Variants in ZNF106 observed in about 807,000 individuals in gnomAD.
ZNF106 encodes SH3-domain binding protein 3.
ZNF106 carries 67 observed loss-of-function variants against 195.1 expected under a neutral mutation model. That is an observed-to-expected ratio of 0.34 (90% confidence interval 0.28 to 0.42). The LOEUF is 0.42. Ranked by LOEUF, ZNF106 falls within the 10% of genes least tolerant of loss-of-function variation. The pLI, the probability that ZNF106 is intolerant of heterozygous loss-of-function variation, is 1.00. For missense variants in ZNF106, 2,118 were observed against 2,304.5 expected, an observed-to-expected ratio of 0.92 and a Z score of 1.66; for synonymous variants, 784 against 818.6, an observed-to-expected ratio of 0.96 and a Z score of 0.72.
chr15:42,446,665 G>A lies in ZNF106; in HGVS notation c.3136-7C>T, dbSNP rs1426711791. ...GTTCAGGAGAAGATCCATCCTGGAA[G>A]GATAAAGAAAACTGAATAAAATCCA... On this transcript the variant is annotated splice_polypyrimidine_tract_variant and splice_region_variant and intron_variant, in intron 6 of 21. Coordinates refer to ENST00000564754, the MANE Select transcript of ZNF106 (RefSeq NM_001366845.3). 8.2e-6 allele frequency: 13 copies of A among 1,594,038 alleles called. No individual in the cohort carries two copies. The highest frequency in any genetic ancestry group is 1.0e-5 in the Non-Finnish European group (12 of 1,170,070).
chr15:42,417,239 C>T lies in ZNF106; in HGVS notation c.*65G>A. On this transcript the variant is annotated 3_prime_UTR_variant, in exon 22 of 22. Transcript: ENST00000564754. ...TCACCAAGAAAGGGAAGAGAGTGGC[C>T]TGTGTGGGGGGCCAATGTGAAAATA... 4.5e-6 allele frequency: 7 copies of T among 1,562,616 alleles called. No individual in the cohort carries two copies. Among genetic ancestry groups the T allele is most frequent in the Non-Finnish European group, 5.3e-6 (6 of 1,134,544 alleles).
At position 42,448,566 on chromosome 15, in the gene ZNF106, G is replaced by A; in HGVS notation, c.2641C>T (p.Arg881Ter). ...ISSSPGLARK[R>*]SLSESSVIMD... ...ATCACGCTGCTCTCAGAAAGGCTTCGCTTTCTTGCCAAGCCAGGGGACGAG... is the reference window on the plus strand; with the variant it reads ...ATCACGCTGCTCTCAGAAAGGCTTCACTTTCTTGCCAAGCCAGGGGACGAG... The change falls in exon 6 of 22, where the codon CGA (arginine) becomes TGA (stop). Residue 881 changes from arginine to a stop codon, truncating the protein, a stop_gained. Transcript: ENST00000564754. LOFTEE classifies it high-confidence loss of function. 2 of 1,614,074 alleles carry A rather than the reference G, an allele frequency of 1.2e-6. No individual in the cohort carries two copies. Among genetic ancestry groups the A allele is most frequent in the Non-Finnish European group, 1.7e-6 (2 of 1,180,008 alleles).
intron 1 of ZNF106, among the ~76,000 whole-genome samples, chr15:42,480,249 A>C (rs2056871521): frequency 6.6e-6 from 1 of 152,246 alleles, no homozygotes; most frequent in African/African-American, 2.4e-5. Context: ...AGGCACAAGC[A>C]TAGTTATAAC....
intron 1 of ZNF106, among the ~76,000 whole-genome samples, chr15:42,473,833 T>C (rs780010804): frequency 9.2e-5 from 14 of 152,298 alleles, no homozygotes; most frequent in Non-Finnish European, 1.2e-4. Context: ...GTGAACTATT[T>C]TGATCAATAA....
chr15:42,420,084 T>C (rs1238203614), intron 20 of ZNF106, among the ~76,000 whole-genome samples: 1 of 152,268 alleles, frequency 6.6e-6, no homozygotes, highest in Non-Finnish European at 1.5e-5. Context: ...TTGTGTACTC[T>C]GGATCCTGTC....
intron 17 of ZNF106, among the ~76,000 whole-genome samples, chr15:42,422,934 C>T (rs1240559673): frequency 7.2e-5 from 11 of 152,056 alleles, no homozygotes; most frequent in Admixed American, 7.2e-4. Context: ...TCACTTTTTT[C>T]ATTTCACTGG....
At chr15:42,457,325 TAA>T in intron 3 of ZNF106, 167 bp from the exon 4 acceptor site, 1 of 1,476,814 alleles carries the variant, frequency 6.8e-7, no homozygotes, top group Non-Finnish European at 9.0e-7. Flanking sequence ...AGTTTGTTTA[TAA>T]GTTACTTTTG....
chr15:42,473,964 A>G (rs2056731845), intron 1 of ZNF106, among the ~76,000 whole-genome samples: 2 of 152,176 alleles, frequency 1.3e-5, no homozygotes, highest in Admixed American at 6.6e-5. Context: ...GTGAGAAGCC[A>G]AAGCCACAGG....
chr15:42,457,150 C>T lies in ZNF106; in HGVS notation c.125G>A (p.Ser42Asn). Residue 42 changes from serine (S) to asparagine (N), a missense_variant, in exon 4 of 22, where the codon AGT becomes AAT. Physicochemically the swap from Ser to Asn is conservative, Grantham distance 46 (BLOSUM62 1). Coordinates refer to ENST00000564754, the MANE Select transcript of ZNF106 (RefSeq NM_001366845.3). ...GACCCCGCACACTCGGCACTCATGA[C>T]TAATGTCCCTAGGGAAAGAGGGAGA... ...ELENLKGRDI[S>N]HECRVCGVTE... 1 of 1,614,184 alleles carries T rather than the reference C, an allele frequency of 6.2e-7. No homozygotes were observed. The highest frequency in any genetic ancestry group is 1.1e-5 in the South Asian group (1 of 91,088).
At chr15:42,483,583 G>A (rs1274420529) in intron 1 of ZNF106, among the ~76,000 whole-genome samples, 1 of 152,164 alleles carries the variant, frequency 6.6e-6, no homozygotes, top group East Asian at 1.9e-4. Context: ...GCATGCTTAT[G>A]TTTTATGCCT....
chr15:42,421,317 G>A (rs140362668), intron 19 of ZNF106, among the ~76,000 whole-genome samples, 185 bp from the exon 20 acceptor site: 64 of 152,306 alleles, frequency 4.2e-4, no homozygotes, highest in African/African-American at 1.5e-3. Flanking sequence ...TTTTGCAGCT[G>A]TGCTCCTTAG....
chr15:42,484,989 T>C (rs924105815), intron 1 of ZNF106, among the ~76,000 whole-genome samples: 3 of 151,806 alleles, frequency 2.0e-5, no homozygotes, highest in Non-Finnish European at 2.9e-5. Flanking sequence ...CAAAACCCCG[T>C]TTCTACAAAA....
At chr15:42,449,446 T>C (rs371305871) in intron 5 of ZNF106, among the ~76,000 whole-genome samples, 6 of 152,356 alleles carry the variant, frequency 3.9e-5, no homozygotes, top group African/African-American at 1.2e-4. Flanking sequence ...CAGAGATCTA[T>C]AGCTCTACAT....
At position 42,448,129 on chromosome 15, in the gene ZNF106, G is replaced by A. The variant is rs2055837247; in HGVS notation, c.3078C>T (p.Thr1026=). Residue 1026 remains threonine, a synonymous_variant, in exon 6 of 22, where the codon ACC becomes ACT. Transcript: ENST00000564754. ...LADAATDSSC[T]SGAEQNDGQS... ...GGCCATCATTTTGTTCAGCACCAGAGGTACAGCTACTATCTGTGGCTGCAT... is the reference window on the plus strand; with the variant it reads ...GGCCATCATTTTGTTCAGCACCAGAAGTACAGCTACTATCTGTGGCTGCAT... 1 of 1,614,134 alleles carries A rather than the reference G, an allele frequency of 6.2e-7. No homozygotes were observed. The highest frequency in any genetic ancestry group is 8.5e-7 in the Non-Finnish European group (1 of 1,180,016).
Position 42,422,512 on chromosome 15 carries a change from A to T in ZNF106, c.5362T>A (p.Tyr1788Asn). ...TACLDKFVRVYELQSHDRLQV... is the reference protein window; with the variant it reads ...TACLDKFVRVNELQSHDRLQV... ...AATCTAAATTCTACCTGTAATTCAT[A>T]GACACGAACAAATTTATCCAGGCAA... Residue 1788 changes from tyrosine to asparagine, a missense_variant, in exon 18 of 22, where the codon TAT (tyrosine) becomes AAT (asparagine). By Grantham distance (143) the Tyr-to-Asn change is moderately radical. Transcript: ENST00000564754. 6.2e-7 allele frequency: 1 copy of T among 1,612,996 alleles called. No individual in the cohort carries two copies. Among genetic ancestry groups the T allele is most frequent in the Non-Finnish European group, 8.5e-7 (1 of 1,179,814 alleles).
chr15:42,451,393 T>G lies in ZNF106; in HGVS notation c.879A>C (p.Ser293=). 1.2e-6 allele frequency: 2 copies of G among 1,614,222 alleles called. No individual in the cohort carries two copies. The highest frequency in any genetic ancestry group is 1.7e-6 in the Non-Finnish European group (2 of 1,180,048). ...TATATCTGTCGTGACTGTATTTGTT[T>G]GACTTATTAGATTTCTTGTTCCATA... is the stretch of plus-strand genomic sequence containing the variant. The part of the protein sequence containing the change: ...TMLWNKKSNK[S]NKYSHDRYNW... Residue 293 remains serine (S), a synonymous_variant, in exon 5 of 22, where the codon TCA becomes TCC. Coordinates refer to ENST00000564754, the MANE Select transcript of ZNF106 (RefSeq NM_001366845.3).
intron 8 of ZNF106, 23 bp downstream of exon 8, chr15:42,444,804 T>C: frequency 3.1e-6 from 5 of 1,610,816 alleles, no homozygotes; most frequent in Non-Finnish European, 4.2e-6. Context: ...TCCATTTTTA[T>C]TAAATCCTCC....
At chr15:42,436,019 T>C (rs2055260723) in intron 13 of ZNF106, among the ~76,000 whole-genome samples, 1 of 151,622 alleles carries the variant, frequency 6.6e-6, no homozygotes, top group South Asian at 2.1e-4. Context: ...AGTGGCGCGA[T>C]CTCAGCTCAC....
At chr15:42,441,915 A>T in intron 10 of ZNF106, 158 bp downstream of exon 10, 1 of 494,240 alleles carries the variant, frequency 2.0e-6, no homozygotes, top group African/African-American at 1.9e-5. Context: ...AAAATATTTT[A>T]AAAGAATCCT....
Sources: allele counts gnomAD v4.1 joint callset (sites outside exome capture counted in the v4.1 genomes callset), GRCh38; gene constraint gnomAD v4.1.1; transcripts MANE v1.5; gene names NCBI Gene and HGNC (gene_info 2026-07-23, HGNC 2026-07-21).